Variants in SLC23A2 observed in about 807,000 individuals in gnomAD.
SLC23A2 encodes the protein solute carrier family 23 member 2.
Under a neutral mutation model 73.3 loss-of-function variants are expected in SLC23A2, and 36 were observed. The observed-to-expected ratio is 0.49, with a 90% confidence interval of 0.38 to 0.65. SLC23A2 has a LOEUF of 0.65. SLC23A2 is among the 30% of genes least tolerant of loss of function. The probability of loss-of-function intolerance (pLI) is 0.00; values close to 1 mark genes in which losing one functional copy is unlikely to be tolerated. For missense variants in SLC23A2, 507 were observed against 841.6 expected, an observed-to-expected ratio of 0.60 and a Z score of 4.92; for synonymous variants, 343 against 327.3, an observed-to-expected ratio of 1.05 and a Z score of -0.52.
At chr20:5,001,131 A>C (rs1318324074) in intron 1 of SLC23A2, among the ~76,000 whole-genome samples, 1 of 150,436 alleles carries the variant, frequency 6.6e-6, no homozygotes, top group African/African-American at 2.4e-5. Flanking sequence ...CGTGGCGGGA[A>C]GGGGTGGGTA....
intron 2 of SLC23A2, among the ~76,000 whole-genome samples, chr20:4,967,972 A>G (rs1436737270): frequency 1.3e-5 from 2 of 152,188 alleles, no homozygotes; most frequent in Non-Finnish European, 2.9e-5. Context: ...TAAGACCGTG[A>G]TATTTTAGGA....
chr20:4,860,870 G>A (rs1425042615), intron 15 of SLC23A2, among the ~76,000 whole-genome samples: 2 of 152,104 alleles, frequency 1.3e-5, no homozygotes, highest in African/African-American at 2.4e-5. Context: ...GTGAAACCCC[G>A]TCTCTACTAA....
intron 4 of SLC23A2, among the ~76,000 whole-genome samples, chr20:4,909,805 C>A (rs1165319814): frequency 6.6e-6 from 1 of 152,144 alleles, no homozygotes; most frequent in East Asian, 1.9e-4. Context: ...AATCCACCCA[C>A]CTTGGCCTCC....
chr20:4,856,963 C>T lies in SLC23A2; in HGVS notation c.*9G>A, dbSNP rs1390295176. On this transcript the variant is annotated 3_prime_UTR_variant, in exon 17 of 17. Transcript: ENST00000338244. The surrounding 1 kb of genome is among the most constrained non-coding windows in gnomAD (Gnocchi z 4.6). The stretch of plus-strand genomic sequence containing the variant: ...CTCACTGCGGCCAGGCCACAGGGCA[C>T]AGCAAAGGCTATCCCGTGGCCTGGG... The T allele has an allele frequency of 1.9e-6, 3 of 1,596,294 alleles. No individual in the cohort carries two copies.
chr20:4,934,412 C>G (rs775343427), intron 2 of SLC23A2, among the ~76,000 whole-genome samples: 2 of 152,118 alleles, frequency 1.3e-5, no homozygotes, highest in Admixed American at 1.3e-4. Context: ...AAAGACACTT[C>G]CCTCCTCCCA....
At chr20:4,880,698 G>A (rs1600095075) in intron 9 of SLC23A2, among the ~76,000 whole-genome samples, 1 of 151,856 alleles carries the variant, frequency 6.6e-6, no homozygotes, top group South Asian at 2.1e-4. Context: ...AGTGGAGGAA[G>A]GCATCTAGAT....
chr20:4,920,037 G>T (rs1353445714), intron 3 of SLC23A2, among the ~76,000 whole-genome samples: 5 of 152,210 alleles, frequency 3.3e-5, no homozygotes, highest in African/African-American at 1.2e-4. Context: ...AAGACGGGTG[G>T]ATCACTTGAG....
At chr20:4,867,966 T>A in intron 12 of SLC23A2, 91 bp from the exon 13 acceptor site, 1 of 751,890 alleles carries the variant, frequency 1.3e-6, no homozygotes, top group Non-Finnish European at 2.3e-6. Context: ...AATCCAAAAA[T>A]GTGGTCCAGA....
intron 1 of SLC23A2, among the ~76,000 whole-genome samples, chr20:5,000,323 T>C (rs2088097455): frequency 6.6e-6 from 1 of 152,018 alleles, no homozygotes; most frequent in Non-Finnish European, 1.5e-5. Flanking sequence ...ATAAAAATGC[T>C]CCAGCCACCC....
chr20:4,909,795 A>G (rs1473412650), intron 4 of SLC23A2, among the ~76,000 whole-genome samples: 4 of 152,072 alleles, frequency 2.6e-5, no homozygotes, highest in Admixed American at 6.6e-5. Flanking sequence ...GAGCTCAGGC[A>G]ATCCACCCAC....
At chr20:4,912,681 A>C (rs1932198132) in intron 4 of SLC23A2, among the ~76,000 whole-genome samples, 199 bp downstream of exon 4, 1 of 151,742 alleles carries the variant, frequency 6.6e-6, no homozygotes, top group African/African-American at 2.4e-5. Context: ...AAAAAAAAAA[A>C]AAAAAAACTA....
At chr20:4,910,666 C>T (rs1483460689) in intron 4 of SLC23A2, among the ~76,000 whole-genome samples, 2 of 152,090 alleles carry the variant, frequency 1.3e-5, no homozygotes, top group Non-Finnish European at 2.9e-5. Flanking sequence ...GAACTCCTGA[C>T]CTCAAGTGAT....
intron 1 of SLC23A2, among the ~76,000 whole-genome samples, chr20:4,976,055 G>A (rs757744987): frequency 1.2e-4 from 18 of 150,982 alleles, no homozygotes; most frequent in African/African-American, 1.9e-4. Flanking sequence ...GGGTTTCACC[G>A]TATTAGCCAG....
intron 4 of SLC23A2, among the ~76,000 whole-genome samples, chr20:4,905,497 A>G (rs1931911370): frequency 6.6e-6 from 1 of 152,242 alleles, no homozygotes; most frequent in African/African-American, 2.4e-5. Flanking sequence ...GACTACATAA[A>G]TAATTACGTC....
chr20:4,896,062 G>A (rs2122857919), intron 6 of SLC23A2, among the ~76,000 whole-genome samples: 1 of 152,326 alleles, frequency 6.6e-6, no homozygotes, highest in Non-Finnish European at 1.5e-5. Context: ...AAGGGTGGAG[G>A]AGTCTGCATC....
rs1021043495 is a variant in SLC23A2 at position 4,879,598 on chromosome 20, G to A, written c.824+4044C>T. Among the ~76,000 whole-genome samples the A allele has an allele frequency of 6.2e-4, 93 of 150,882 alleles. 1 individual carries two copies. Among genetic ancestry groups the A allele is most frequent in the African/African-American group, 2.0e-4 (8 of 40,944 alleles). ...CTTGGGAGGCTGACGAATGAGAATC[G>A]CCTGAACTCAGGAGTCAGAGGCCAC... On this transcript the variant is annotated intron_variant, in intron 9 of 16. Coordinates refer to ENST00000338244, the MANE Select transcript of SLC23A2 (RefSeq NM_005116.6).
intron 7 of SLC23A2, among the ~76,000 whole-genome samples, chr20:4,885,135 G>A (rs750583753): frequency 1.7e-4 from 26 of 152,156 alleles, no homozygotes; most frequent in African/African-American, 2.7e-4. Context: ...TGAAATGCCC[G>A]ACAGCAAGGT....
chr20:4,989,737 C>A (rs942187244), intron 1 of SLC23A2, among the ~76,000 whole-genome samples: 4 of 151,942 alleles, frequency 2.6e-5, no homozygotes, highest in Non-Finnish European at 5.9e-5. Context: ...AGGTCAGGTG[C>A]GGAATTTTCC....
chr20:4,976,043 C>T (rs953750486), intron 1 of SLC23A2, among the ~76,000 whole-genome samples: 7 of 151,038 alleles, frequency 4.6e-5, no homozygotes, highest in Admixed American at 2.6e-4. Flanking sequence ...TTAGTAGAGA[C>T]GGGGTTTCAC....
Sources: allele counts gnomAD v4.1 joint callset (sites outside exome capture counted in the v4.1 genomes callset), GRCh38; gene constraint gnomAD v4.1.1; non-coding constraint Gnocchi (gnomAD v3.1); transcripts MANE v1.5; gene names NCBI Gene and HGNC (gene_info 2026-07-23, HGNC 2026-07-21).